CDCP2: variants seen among roughly 807,000 people sequenced by gnomAD.
CDCP2 encodes the protein CUB domain-containing protein 2.
In CDCP2, 31 loss-of-function variants were observed where a neutral mutation model predicts 31.0. The observed-to-expected ratio is 1.00, with a 90% confidence interval of 0.75 to 1.35. The LOEUF (loss-of-function observed/expected upper bound fraction) is 1.35, where lower values mean the gene tolerates loss of function less well. CDCP2 is among the 40% of genes most tolerant of loss of function. CDCP2 has a pLI of 0.00. For synonymous variants in CDCP2, 206 were observed against 207.9 expected (o/e 0.99, Z 0.08); for missense variants, 443 against 482.6 (o/e 0.92, Z 0.77).
intron 2 of CDCP2, chr1:54,141,717 T>C (rs778243924): frequency 1.2e-4 from 36 of 312,928 alleles, no homozygotes; most frequent in Admixed American, 2.7e-4. Context: ...ACAAGTTCAG[T>C]AGCTTACTTG....
intron 3 of CDCP2, chr1:54,140,578 C>T (rs1028968032): frequency 4.3e-6 from 1 of 233,618 alleles, no homozygotes; most frequent in Non-Finnish European, 8.4e-6. Context: ...CTTCTGCTTC[C>T]GTCTAACTCC....
At chr1:54,152,982 C>T (rs149971535), upstream of CDCP2, 325 of 1,522,292 alleles carry the variant, frequency 2.1e-4, 1 homozygote, top group African/African-American at 3.5e-3. Flanking sequence ...TCTCAGGGTC[C>T]GGAGCAAGGG....
chr1:54,133,625 G>A (rs537337675), intron 5 of CDCP2, among the ~76,000 whole-genome samples: 214 of 152,252 alleles, frequency 1.4e-3, no homozygotes, highest in Non-Finnish European at 1.2e-3. Flanking sequence ...GGCCGGGTGC[G>A]GTGGCTCACG....
At chr1:54,132,726 T>C (rs896980534), downstream of CDCP2, 2 of 377,836 alleles carry the variant, frequency 5.3e-6, no homozygotes, top group East Asian at 7.6e-5. Flanking sequence ...ATAACAGCAA[T>C]TGCATATACA....
At chr1:54,133,233 C>T (rs1428563707) in exon 6 of CDCP2, 11 of 399,054 alleles carry the variant, frequency 2.8e-5, no homozygotes, top group Non-Finnish European at 4.4e-5. Context: ...GATGTCCTCC[C>T]GCCCCGCGGC....
chr1:54,141,522 C>T (rs1384978759), intron 2 of CDCP2, 89 bp from the exon 3 acceptor site: 11 of 1,148,490 alleles, frequency 9.6e-6, no homozygotes, highest in Middle Eastern at 2.0e-4. Context: ...AACATGCTGC[C>T]CCCACAGGTA....
intron 5 of CDCP2, among the ~76,000 whole-genome samples, chr1:54,134,113 TC>T (rs1159548795): frequency 6.6e-6 from 1 of 152,020 alleles, no homozygotes; most frequent in Non-Finnish European, 1.5e-5. Context: ...TCGACTCCAA[TC>T]CCCCATCCTT....
intron 5 of CDCP2, among the ~76,000 whole-genome samples, 156 bp downstream of exon 5, chr1:54,136,474 A>T (rs995581649): frequency 1.3e-5 from 2 of 152,188 alleles, no homozygotes; most frequent in East Asian, 1.9e-4. Context: ...CCCTAAGCAA[A>T]TTGGTTGAGG....
At chr1:54,140,223 G>T (rs1451610428) in intron 3 of CDCP2, 117 bp from the exon 4 acceptor site, 6 of 856,290 alleles carry the variant, frequency 7.0e-6, no homozygotes, top group South Asian at 6.1e-5. Context: ...CCAGCAGGTT[G>T]TGGGCACCAT....
intron 3 of CDCP2, 33 bp downstream of exon 3, chr1:54,141,065 G>A (rs911251905): frequency 1.3e-6 from 2 of 1,499,922 alleles, no homozygotes; most frequent in Non-Finnish European, 1.8e-6. Context: ...GTAGGCACAG[G>A]AGGATTCAGG....
At chr1:54,152,981 C>T, upstream of CDCP2, 6 of 1,533,482 alleles carry the variant, frequency 3.9e-6, no homozygotes, top group Non-Finnish European at 5.4e-6. Flanking sequence ...ATCTCAGGGT[C>T]CGGAGCAAGG....
upstream of CDCP2, chr1:54,152,952 C>G: frequency 1.2e-6 from 2 of 1,608,700 alleles, no homozygotes; most frequent in South Asian, 1.1e-5. Flanking sequence ...ACAGGTCTGC[C>G]GAGCTCAGGT....
chr1:54,141,660 T>A, intron 2 of CDCP2: 1 of 439,268 alleles, frequency 2.3e-6, no homozygotes, highest in Non-Finnish European at 4.0e-6. Flanking sequence ...GCACAAGGAC[T>A]GTGCTGCAGT....
At chr1:54,134,283 C>G (rs72906268) in intron 5 of CDCP2, among the ~76,000 whole-genome samples, 2,715 of 152,268 alleles carry the variant, frequency 0.018, 79 homozygotes, top group African/African-American at 0.062. Flanking sequence ...CAGTAGGTAT[C>G]CTGCCGTTGA....
chr1:54,139,647 G>C (rs75306471), intron 4 of CDCP2, 106 bp downstream of exon 4: 102 of 1,222,996 alleles, frequency 8.3e-5, no homozygotes, highest in Admixed American at 1.0e-4. Flanking sequence ...ACCATTCATG[G>C]GGGGGGCAGG....
intron 1 of CDCP2, among the ~76,000 whole-genome samples, chr1:54,145,563 CA>C (rs1659454265): frequency 6.6e-6 from 1 of 152,018 alleles, no homozygotes; most frequent in South Asian, 2.1e-4. Context: ...AAACATTATG[CA>C]GTAGGGAATT....
At chr1:54,148,179 C>T (rs1482773293) in intron 1 of CDCP2, among the ~76,000 whole-genome samples, 1 of 151,436 alleles carries the variant, frequency 6.6e-6, no homozygotes, top group Non-Finnish European at 1.5e-5. Flanking sequence ...ATTCTTTCAA[C>T]TTTGCTAAAT....
At chr1:54,147,588 A>G (rs1408054211) in intron 1 of CDCP2, among the ~76,000 whole-genome samples, 1 of 151,776 alleles carries the variant, frequency 6.6e-6, no homozygotes, top group Non-Finnish European at 1.5e-5. Flanking sequence ...GCTGGTCTCG[A>G]ACTCCTGACC....
chr1:54,135,312 C>T (rs1032663605), intron 5 of CDCP2, among the ~76,000 whole-genome samples: 2 of 152,046 alleles, frequency 1.3e-5, no homozygotes, highest in South Asian at 2.1e-4. Context: ...AAGAGTTGCA[C>T]GTAAAGATTG....
Sources: gnomAD v4.1 joint callset for allele counts (sites outside exome capture counted in the v4.1 genomes callset) on GRCh38, gnomAD v4.1.1 for gene constraint, MANE v1.5 for transcripts, NCBI Gene and HGNC (gene_info 2026-07-23, HGNC 2026-07-21) for gene names.